Variants in ALKAL2 observed in about 807,000 individuals in gnomAD.
The protein encoded by ALKAL2 is ALK and LTK ligand 2, also known as AUG-alpha.
Under a neutral mutation model 18.5 loss-of-function variants are expected in ALKAL2, and 8 were observed. The ratio of observed to expected loss-of-function variants is 0.43; its 90% confidence interval spans 0.25 to 0.78. ALKAL2 has a LOEUF of 0.78. Among genes scored for constraint, ALKAL2 ranks in the 30% least tolerant of loss-of-function variants. ALKAL2 has a pLI of 0.22. For missense variants in ALKAL2, 241 were observed against 211.2 expected (o/e 1.14, Z -0.88); for synonymous variants, 135 against 95.8 (o/e 1.41, Z -2.39).
intron 5 of ALKAL2, among the ~76,000 whole-genome samples, chr2:281,341 G>C (rs1397623384): frequency 2.0e-5 from 3 of 152,082 alleles, no homozygotes; most frequent in African/African-American, 7.2e-5. Context: ...CTGTCAAGCA[G>C]GTGGCCTTTT....
chr2:284,154 T>G (rs968520061), intron 4 of ALKAL2, among the ~76,000 whole-genome samples: 6 of 152,210 alleles, frequency 3.9e-5, no homozygotes, highest in Non-Finnish European at 8.8e-5. Context: ...GGCAGTGGAA[T>G]GTGTGATTTC....
intron 4 of ALKAL2, 55 bp downstream of exon 4, chr2:286,068 G>A (rs1670498501): frequency 3.4e-6 from 5 of 1,482,884 alleles, no homozygotes; most frequent in Non-Finnish European, 3.7e-6. Flanking sequence ...GGAAAGAGGG[G>A]AACCGCTGCC....
At position 287,790 on chromosome 2, in the gene ALKAL2, G is replaced by A; in HGVS notation, c.46C>T (p.Leu16=). 1 of 1,287,230 alleles carries A rather than the reference G, an allele frequency of 7.8e-7. No individual in the cohort carries two copies. The highest frequency in any genetic ancestry group is 1.7e-5 in the South Asian group (1 of 58,380). 79.7% of individuals were successfully genotyped at this position (1,287,230 alleles called of 1,614,324 possible). Residue 16 remains leucine, a synonymous_variant, in exon 2 of 6, where the codon CTG becomes TTG. Coordinates refer to ENST00000403610, the MANE Select transcript of ALKAL2 (RefSeq NM_001002919.3). ...CCCCGGCCGCGCCCCGCCGCCCCCA[G>A]CACCAGCAGCAGCCCCAGGAGGAGG... ...HPLLLGLLLV[L]GAAGRGRGGA...
At chr2:281,663 C>T (rs1197296422) in intron 5 of ALKAL2, among the ~76,000 whole-genome samples, 11 of 152,008 alleles carry the variant, frequency 7.2e-5, no homozygotes, top group South Asian at 2.1e-4. Context: ...GGCATGTGGA[C>T]GGAGTAGCTC....
chr2:287,736 C>T lies in ALKAL2; in HGVS notation c.100G>A (p.Gly34Arg), dbSNP rs376285161. 107 of 1,459,618 alleles carry T rather than the reference C, an allele frequency of 7.3e-5. No individual in the cohort carries two copies. In the East Asian group the frequency reaches 2.3e-3, roughly 31 times the overall value. 90.4% of individuals were successfully genotyped at this position (1,459,618 alleles called of 1,614,324 possible). The change falls in exon 2 of 6, where the codon GGA becomes AGA. Residue 34 changes from glycine to arginine, a missense_variant. Coordinates refer to ENST00000403610, the MANE Select transcript of ALKAL2 (RefSeq NM_001002919.3). ...ACCACCAGCCGCAGCAGCGCCTGTC[C>T]GTCCGCCGGCTCCCGGGGCTCCGCG... ...GGAEPREPAD[G>R]QALLRLVVEL...
Position 287,557 on chromosome 2 carries a change from C to A in ALKAL2, c.253+26G>T, listed in dbSNP as rs1229213076. On this transcript the variant is annotated intron_variant, in intron 2 of 5. Coordinates refer to ENST00000403610, the MANE Select transcript of ALKAL2 (RefSeq NM_001002919.3). ...AATTCTATTTCCCAGCAGCCCCGGC[C>A]CTCGGGCGCGCTCGGCCCCACTCAC... 6 of 1,361,084 alleles carry A rather than the reference C, an allele frequency of 4.4e-6. No individual in the cohort carries two copies. The East Asian group carries it at 1.9e-4, about 42-fold the overall frequency. The allele number at this position is 1,361,084 out of a possible 1,614,324, so 84.3% of individuals were successfully genotyped here.
Position 279,990 on chromosome 2 carries a change from T to C in ALKAL2, c.*157A>G. 1.3e-6 allele frequency: 1 copy of C among 777,732 alleles called. No homozygotes were observed. Among genetic ancestry groups the C allele is most frequent in the East Asian group, 2.5e-5 (1 of 40,722 alleles). The allele number at this position is 777,732 out of a possible 1,614,324, so 48.2% of individuals were successfully genotyped here. A position where few individuals can be genotyped will look rare whatever the true frequency, so the allele number is the denominator to read the frequency against. On this transcript the variant is annotated 3_prime_UTR_variant, in exon 6 of 6. Coordinates refer to ENST00000403610, the MANE Select transcript of ALKAL2 (RefSeq NM_001002919.3). ...TTATCGAATATATATCTGCAAACTGTCAACAACATACAAAACTCAAAGGAC... is the reference window on the plus strand; with the variant it reads ...TTATCGAATATATATCTGCAAACTGCCAACAACATACAAAACTCAAAGGAC...
At position 285,849 on chromosome 2, in the gene ALKAL2, T is replaced by TGGAGGAGAATTAACA. The variant is rs1325951266; in HGVS notation, c.388+259_388+273dup. ...GTAGAGTACACACAAACATGGGCAT[T>TGGAGGAGAATTAACA]GGAGGAGAATTAACAGGAGGAGAAT... On this transcript the variant is annotated intron_variant, in intron 4 of 5. Transcript: ENST00000403610. 7 of 398,884 alleles carry TGGAGGAGAATTAACA rather than the reference T, an allele frequency of 1.8e-5. No homozygotes were observed. In the East Asian group the frequency reaches 3.4e-4, roughly 19 times the overall value. 24.7% of individuals were successfully genotyped at this position (398,884 alleles called of 1,614,324 possible).
chr2:283,048 T>G, intron 5 of ALKAL2, 63 bp downstream of exon 5: 2 of 1,501,932 alleles, frequency 1.3e-6, no homozygotes, highest in Non-Finnish European at 1.8e-6. Context: ...CATGAATTTT[T>G]CATGTCCCAA....
chr2:286,547 G>A, intron 2 of ALKAL2: 1 of 519,392 alleles, frequency 1.9e-6, no homozygotes, highest in Middle Eastern at 5.0e-4. Context: ...TGAAATAACA[G>A]TAACTGCTCC....
intron 1 of ALKAL2, 49 bp downstream of exon 1, chr2:287,959 GGGGGA>G (rs1342840540): frequency 5.4e-5 from 66 of 1,229,620 alleles, no homozygotes; most frequent in East Asian, 2.4e-4. Context: ...AGCGCGGGGC[GGGGGA>G]GGGGAGGGGA....
At chr2:286,414 T>C (rs1670510951) in intron 2 of ALKAL2, 71 bp from the exon 3 acceptor site, 11 of 1,254,674 alleles carry the variant, frequency 8.8e-6, no homozygotes, top group Non-Finnish European at 1.2e-5. Flanking sequence ...CTTAAGTGAA[T>C]GTTGAAGAAA....
chr2:287,433 C>A, intron 2 of ALKAL2, 150 bp downstream of exon 2: 1 of 607,038 alleles, frequency 1.6e-6, no homozygotes, highest in Non-Finnish European at 2.4e-6. Context: ...CCTATTGCTG[C>A]TATTTTCTTT....
At position 280,139 on chromosome 2, in the gene ALKAL2, C is replaced by T. The variant is rs758119660; in HGVS notation, c.*8G>A. On this transcript the variant is annotated 3_prime_UTR_variant, in exon 6 of 6. Coordinates refer to ENST00000403610, the MANE Select transcript of ALKAL2 (RefSeq NM_001002919.3). ...TGGCTCCTGGTGTGCTGCTCCTGTA[C>T]GGTCTGCTCACTGCTGAAAACAAAT... The T allele has an allele frequency of 2.5e-5, 40 of 1,613,826 alleles. No homozygotes were observed. The highest frequency in any genetic ancestry group is 1.0e-4 in the Admixed American group (6 of 60,004).
In ALKAL2 at chr2:285,529, G is replaced by A. The variant is rs1278010734; in HGVS notation, c.388+594C>T. ...AAGAGAACAAGGAGCTACTTTTGGA[G>A]AAATAAAATGTTTTGTTATGAATAA... On this transcript the variant is annotated intron_variant, in intron 4 of 5. Transcript: ENST00000403610. 2.0e-5 allele frequency among the ~76,000 whole-genome samples: 3 copies of A among 152,162 alleles called. No homozygotes were observed. In the South Asian group the frequency reaches 6.2e-4, roughly 32 times the overall value.
intron 4 of ALKAL2, among the ~76,000 whole-genome samples, chr2:284,876 T>C (rs1256754056): frequency 6.6e-6 from 1 of 152,192 alleles, no homozygotes; most frequent in African/African-American, 2.4e-5. Context: ...GACAAGATTT[T>C]CTGGCCCCAA....
At position 280,155 on chromosome 2, in the gene ALKAL2, G is replaced by C. The variant is rs192577707; in HGVS notation, c.454-3C>G. On this transcript the variant is annotated splice_polypyrimidine_tract_variant and splice_region_variant and intron_variant, in intron 5 of 5. Transcript: ENST00000403610. Reference sequence around the variant, plus strand: ...GCTCCTGTACGGTCTGCTCACTGCTGAAAACAAATACATTGCGTGTGATAT... The same window carrying C: ...GCTCCTGTACGGTCTGCTCACTGCTCAAAACAAATACATTGCGTGTGATAT... The C allele has an allele frequency of 6.2e-7, 1 of 1,613,898 alleles. No homozygotes were observed. Among genetic ancestry groups the C allele is most frequent in the African/African-American group, 1.3e-5 (1 of 75,032 alleles).
chr2:285,765 A>C (rs1670487505), intron 4 of ALKAL2, among the ~76,000 whole-genome samples: 1 of 152,240 alleles, frequency 6.6e-6, no homozygotes, highest in Admixed American at 6.5e-5. Context: ...GAGATGATCC[A>C]GGTCAATCTT....
chr2:283,575 A>C, intron 4 of ALKAL2: 3 of 985,430 alleles, frequency 3.0e-6, no homozygotes, highest in Non-Finnish European at 3.6e-6. Context: ...CCATGGGACA[A>C]AGCCTTCTGC....
Sources: gnomAD v4.1 joint callset for allele counts (sites outside exome capture counted in the v4.1 genomes callset) on GRCh38, gnomAD v4.1.1 for gene constraint, MANE v1.5 for transcripts, NCBI Gene and HGNC (gene_info 2026-07-23, HGNC 2026-07-21) for gene names.